The following RBFOX2 variants were observed in gnomAD, a reference collection of about 807,000 sequenced individuals.
RBFOX2 encodes RNA binding fox-1 homolog 2.
In RBFOX2, 10 loss-of-function variants were observed where a neutral mutation model predicts 49.1. The ratio of observed to expected loss-of-function variants is 0.20; its 90% CI spans 0.13 to 0.35. The LOEUF (loss-of-function observed/expected upper bound fraction) is 0.35. RBFOX2 is among the 10% of genes least tolerant of loss of function. The probability of loss-of-function intolerance (pLI) is 1.00; values close to 1 mark genes in which losing one functional copy is unlikely to be tolerated. For synonymous variants in RBFOX2, 183 were observed against 187.4 expected (o/e 0.98, Z 0.19); for missense variants, 323 against 486.9 (o/e 0.66, Z 3.17).
At chr22:35,868,467 T>C (rs1054249447) in intron 1 of RBFOX2, among the ~76,000 whole-genome samples, 3 of 151,960 alleles carry the variant, frequency 2.0e-5, no homozygotes, top group Admixed American at 1.3e-4. Context: ...AATAAGATAA[T>C]AGGCAGGCGT....
At chr22:35,870,786 C>T (rs2044270419) in intron 1 of RBFOX2, among the ~76,000 whole-genome samples, 2 of 152,156 alleles carry the variant, frequency 1.3e-5, no homozygotes, top group South Asian at 4.1e-4. Flanking sequence ...ATTCGTTGGA[C>T]TTTTTACTCA....
chr22:35,774,982 G>A (rs1161452973), intron 4 of RBFOX2, among the ~76,000 whole-genome samples: 1 of 152,128 alleles, frequency 6.6e-6, no homozygotes, highest in East Asian at 1.9e-4. Flanking sequence ...TTTCTGTACA[G>A]AAAAGCACTC....
At chr22:36,009,877 G>A (rs1485043277) in intron 1 of RBFOX2, among the ~76,000 whole-genome samples, 3 of 152,056 alleles carry the variant, frequency 2.0e-5, no homozygotes, top group Non-Finnish European at 2.9e-5. Context: ...AAGTCACTGC[G>A]CAACTGAGTT....
At chr22:35,985,499 GC>G (rs1013819434) in intron 1 of RBFOX2, among the ~76,000 whole-genome samples, 14 of 152,098 alleles carry the variant, frequency 9.2e-5, no homozygotes, top group Non-Finnish European at 2.1e-4. Context: ...AGGAATGTGG[GC>G]CCCGTGCTGC....
chr22:36,026,285 G>C (rs953790157), intron 1 of RBFOX2, among the ~76,000 whole-genome samples: 1 of 107,348 alleles, frequency 9.3e-6, no homozygotes, highest in Non-Finnish European at 1.8e-5. Flanking sequence ...TGTATAGAAA[G>C]AAAATAAAAT....
chr22:36,015,988 A>G (rs2059019691), intron 1 of RBFOX2, among the ~76,000 whole-genome samples: 1 of 152,188 alleles, frequency 6.6e-6, no homozygotes, highest in Non-Finnish European at 1.5e-5. Context: ...CCACTTGCCT[A>G]ATGGCCCAAG....
intron 1 of RBFOX2, among the ~76,000 whole-genome samples, chr22:36,021,936 C>A (rs182643858): frequency 1.3e-5 from 2 of 152,276 alleles, no homozygotes; most frequent in Admixed American, 1.3e-4. Flanking sequence ...ACTCAATACT[C>A]CTAGGGGCCA....
At chr22:35,963,323 A>T (rs1275788700), upstream of RBFOX2, among the ~76,000 whole-genome samples, 1 of 152,136 alleles carries the variant, frequency 6.6e-6, no homozygotes. Context: ...CATCTCTGAG[A>T]TATTTGTTTT....
intron 1 of RBFOX2, among the ~76,000 whole-genome samples, chr22:35,911,653 G>A (rs990305010): frequency 1.3e-5 from 2 of 152,136 alleles, no homozygotes; most frequent in Non-Finnish European, 2.9e-5. Context: ...TTAGCTGCTG[G>A]TATCGTTACA....
intron 1 of RBFOX2, among the ~76,000 whole-genome samples, chr22:35,986,063 T>C (rs780232480): frequency 6.6e-6 from 1 of 152,182 alleles, no homozygotes; most frequent in Non-Finnish European, 1.5e-5. Flanking sequence ...CCTCAGATTA[T>C]AAAAGCAGCC....
rs183918741 is a variant in RBFOX2, at chr22:35,835,227, G to A, written c.27+4965C>T. Among the ~76,000 whole-genome samples the A allele has an allele frequency of 4.6e-5, 7 of 152,266 alleles. No individual in the cohort carries two copies. In the South Asian group the frequency reaches 6.2e-4, roughly 14 times the overall value. ...AAAAAGAGTGAGGAATTATGACTTC[G>A]GAAGGGAACATGTGGGATACCAATA... On this transcript the variant is annotated intron_variant, in intron 1 of 11. Transcript: ENST00000405409.
At chr22:36,017,421 G>A (rs1051840386) in intron 1 of RBFOX2, among the ~76,000 whole-genome samples, 5 of 152,064 alleles carry the variant, frequency 3.3e-5, no homozygotes, top group South Asian at 2.1e-4. Context: ...CCAGCTACTC[G>A]GGAGGCTGAG....
chr22:35,985,277 A>G (rs1324286825), intron 1 of RBFOX2, among the ~76,000 whole-genome samples: 1 of 152,196 alleles, frequency 6.6e-6, no homozygotes, highest in African/African-American at 2.4e-5. Context: ...AAGTCAAGAG[A>G]CACAAACCCT....
chr22:35,751,788 G>GA (rs1009472001), intron 9 of RBFOX2, among the ~76,000 whole-genome samples: 5 of 152,128 alleles, frequency 3.3e-5, no homozygotes, highest in African/African-American at 1.2e-4. Context: ...GGGGTTAAGG[G>GA]AAAAAATTGC....
chr22:35,849,853 C>A (rs768399478), intron 1 of RBFOX2, among the ~76,000 whole-genome samples: 7 of 152,004 alleles, frequency 4.6e-5, no homozygotes, highest in Non-Finnish European at 8.8e-5. Flanking sequence ...CAGAAAAAAG[C>A]AAAAAGCTTT....
chr22:35,912,781 C>A (rs2049974211), intron 1 of RBFOX2, among the ~76,000 whole-genome samples: 1 of 152,128 alleles, frequency 6.6e-6, no homozygotes, highest in Non-Finnish European at 1.5e-5. Flanking sequence ...ATAAAACTCT[C>A]AAGATCATAT....
intron 1 of RBFOX2, among the ~76,000 whole-genome samples, chr22:35,905,544 G>C (rs1261196964): frequency 6.6e-6 from 1 of 152,118 alleles, no homozygotes; most frequent in South Asian, 2.1e-4. Flanking sequence ...CTTTAAAGAA[G>C]GGAAAATCCT....
At chr22:35,988,552 C>G (rs552539722) in intron 1 of RBFOX2, among the ~76,000 whole-genome samples, 2 of 151,786 alleles carry the variant, frequency 1.3e-5, no homozygotes, top group Non-Finnish European at 2.9e-5. Flanking sequence ...ACCAATAAAC[C>G]GAGATCTCAA....
chr22:35,944,778 T>C (rs749922528), intron 1 of RBFOX2, among the ~76,000 whole-genome samples: 9 of 151,634 alleles, frequency 5.9e-5, no homozygotes, highest in Non-Finnish European at 1.2e-4. Context: ...AACCAAGCAA[T>C]GAAAAAAACA....
Sources: gnomAD v4.1 joint callset for allele counts (sites outside exome capture counted in the v4.1 genomes callset) on GRCh38, gnomAD v4.1.1 for gene constraint, MANE v1.5 for transcripts, NCBI Gene and HGNC (gene_info 2026-07-23, HGNC 2026-07-21) for gene names.